RAB33B: variants seen among roughly 807,000 people sequenced by gnomAD.
The protein encoded by RAB33B is RAB33B, member RAS oncogene family.
Under a neutral mutation model 15.0 loss-of-function variants are expected in RAB33B, and 6 were observed. The ratio of observed to expected loss-of-function variants is 0.40; its 90% confidence interval spans 0.22 to 0.79. The LOEUF is 0.79. RAB33B is among the 30% of genes least tolerant of loss of function. The pLI is 0.37. For synonymous variants in RAB33B, 117 were observed against 108.3 expected (o/e 1.08, Z -0.50); for missense variants, 257 against 296.4 (o/e 0.87, Z 0.98).
At chr4:139,446,268 C>T in the RAB33B span, among the ~76,000 whole-genome samples, 3 of 152,126 alleles carry the variant, frequency 2.0e-5, no homozygotes, top group South Asian at 4.1e-4. Flanking sequence ...GACTAGGGCC[C>T]GGTTCACGGA....
chr4:139,456,688 C>T (rs1318683139), intron 1 of RAB33B, among the ~76,000 whole-genome samples: 1 of 152,122 alleles, frequency 6.6e-6, no homozygotes, highest in African/African-American at 2.4e-5. Context: ...AGGCCCTAGC[C>T]GTTGATTTGT....
At chr4:139,468,412 TAAAC>T (rs1041364045) in intron 1 of RAB33B, among the ~76,000 whole-genome samples, 18 of 152,332 alleles carry the variant, frequency 1.2e-4, no homozygotes, top group African/African-American at 3.6e-4. Flanking sequence ...TCTTTTTACA[TAAAC>T]AAACAAACAA....
chr4:139,442,363 A>C, the RAB33B span, among the ~76,000 whole-genome samples: 1 of 152,332 alleles, frequency 6.6e-6, no homozygotes, highest in African/African-American at 2.4e-5. Context: ...GTATATAATC[A>C]AACAATTTAA....
chr4:139,451,409 C>G (rs1749920658), upstream of RAB33B: 1 of 129,512 alleles, frequency 7.7e-6, no homozygotes, highest in Non-Finnish European at 1.6e-5. Flanking sequence ...AGGTCTCACT[C>G]TGTTGCCCAG....
upstream of RAB33B, chr4:139,452,438 C>T (rs1213487367): frequency 1.3e-5 from 2 of 152,108 alleles, no homozygotes; most frequent in East Asian, 3.9e-4. Flanking sequence ...TGAAATTCTC[C>T]CATTAACCAC....
intron 1 of RAB33B, among the ~76,000 whole-genome samples, chr4:139,469,262 C>A (rs983144651): frequency 6.6e-6 from 1 of 151,832 alleles, no homozygotes; most frequent in African/African-American, 2.4e-5. Context: ...ATTCTTTTTT[C>A]TTTTATCTCC....
intron 1 of RAB33B, among the ~76,000 whole-genome samples, chr4:139,461,055 T>C (rs1579175706): frequency 6.6e-6 from 1 of 152,240 alleles, no homozygotes; most frequent in Non-Finnish European, 1.5e-5. Context: ...GTGTGAGGAC[T>C]CTAAGCAAAT....
the RAB33B span, among the ~76,000 whole-genome samples, chr4:139,443,936 A>T: frequency 6.6e-6 from 1 of 152,110 alleles, no homozygotes; most frequent in Non-Finnish European, 1.5e-5. Context: ...GCCACCCCCA[A>T]TACCCTTGTT....
intron 1 of RAB33B, among the ~76,000 whole-genome samples, chr4:139,455,459 G>A (rs1229936344): frequency 6.6e-6 from 1 of 152,096 alleles, no homozygotes; most frequent in Non-Finnish European, 1.5e-5. Flanking sequence ...GTATCTTAGA[G>A]GCAAGAACAA....
the RAB33B span, among the ~76,000 whole-genome samples, chr4:139,447,329 A>G: frequency 1.3e-5 from 2 of 152,152 alleles, no homozygotes; most frequent in Non-Finnish European, 2.9e-5. Context: ...CGTCCAATAT[A>G]TGATACTATT....
upstream of RAB33B, chr4:139,452,562 G>A (rs888147413): frequency 1.3e-5 from 2 of 152,186 alleles, no homozygotes; most frequent in African/African-American, 4.8e-5. Flanking sequence ...ATAGTTTCTG[G>A]ATGATTAACC....
chr4:139,457,582 A>T (rs1405435821), intron 1 of RAB33B, among the ~76,000 whole-genome samples: 1 of 152,218 alleles, frequency 6.6e-6, no homozygotes, highest in Non-Finnish European at 1.5e-5. Context: ...AAGGAAAATA[A>T]TCAGGACCTC....
rs1400930842 is a variant in RAB33B at position 139,476,372 on chromosome 4, C to G, written c.*3246C>G. ...GCCTCTGATGTTGATTCTGCTTCCCCTGGTCAGTTTATTTTACGTATAAGT... is the reference window on the plus strand; with the variant it reads ...GCCTCTGATGTTGATTCTGCTTCCCGTGGTCAGTTTATTTTACGTATAAGT... On this transcript the variant is annotated 3_prime_UTR_variant, in exon 2 of 2. Transcript: ENST00000305626. The G allele has an allele frequency of 1.3e-5, 2 of 152,212 alleles. No individual in the cohort carries two copies. The highest frequency in any genetic ancestry group is 4.8e-5 in the African/African-American group (2 of 41,454). 9.4% of individuals were successfully genotyped at this position (152,212 alleles called of 1,614,324 possible).
At chr4:139,458,257 G>A (rs1750107851) in intron 1 of RAB33B, among the ~76,000 whole-genome samples, 1 of 152,138 alleles carries the variant, frequency 6.6e-6, no homozygotes, top group Admixed American at 6.6e-5. Context: ...CTCCAGCAGA[G>A]CCAGACCCTG....
At chr4:139,457,956 C>T (rs1295987761) in intron 1 of RAB33B, among the ~76,000 whole-genome samples, 1 of 152,136 alleles carries the variant, frequency 6.6e-6, no homozygotes, top group Non-Finnish European at 1.5e-5. Context: ...AGTTCAAGTC[C>T]TTTTTTTAAC....
At chr4:139,458,622 G>A (rs1224005413) in intron 1 of RAB33B, among the ~76,000 whole-genome samples, 1 of 152,236 alleles carries the variant, frequency 6.6e-6, no homozygotes, top group Admixed American at 6.5e-5. Context: ...GTGTTACATG[G>A]TATGTATATA....
chr4:139,438,918 A>C, the RAB33B span, among the ~76,000 whole-genome samples: 2 of 152,178 alleles, frequency 1.3e-5, no homozygotes, highest in East Asian at 3.8e-4. Flanking sequence ...CTTGTAGGGC[A>C]GGTCTAGTGG....
At chr4:139,468,847 G>GT (rs377414915) in intron 1 of RAB33B, among the ~76,000 whole-genome samples, 5 of 152,084 alleles carry the variant, frequency 3.3e-5, no homozygotes, top group Non-Finnish European at 7.4e-5. Context: ...AGGATAAAAG[G>GT]TTTTTTTCTT....
At chr4:139,448,919 TGTGAGTGTGTGTGA>T (rs1180881105), upstream of RAB33B, 1 of 152,006 alleles carries the variant, frequency 6.6e-6, no homozygotes, top group Non-Finnish European at 1.5e-5. Flanking sequence ...TGAATCTGGT[TGTGAGTGTGTGTGA>T]GTGTGACTGT....
Sources: gnomAD v4.1 joint callset for allele counts (sites outside exome capture counted in the v4.1 genomes callset) on GRCh38, gnomAD v4.1.1 for gene constraint, MANE v1.5 for transcripts, NCBI Gene and HGNC (gene_info 2026-07-23, HGNC 2026-07-21) for gene names.